The following NDUFAF2 variants were observed in gnomAD, a reference collection of about 807,000 sequenced individuals.
NDUFAF2 encodes the protein NADH:ubiquinone oxidoreductase complex assembly factor 2, also known as NADH dehydrogenase [ubiquinone] 1 alpha subcomplex assembly factor 2.
Under a neutral mutation model 22.8 loss-of-function variants are expected in NDUFAF2, and 13 were observed. The ratio of observed to expected loss-of-function variants is 0.57; its 90% CI spans 0.37 to 0.91. NDUFAF2 has a LOEUF of 0.91. NDUFAF2 is among the 40% of genes least tolerant of loss of function. The pLI, the probability that NDUFAF2 is intolerant of heterozygous loss-of-function variation, is 0.01. For synonymous variants in NDUFAF2, 53 were observed against 64.2 expected, an observed-to-expected ratio of 0.83 and a Z score of 0.84; for missense variants, 162 against 195.2, an observed-to-expected ratio of 0.83 and a Z score of 1.01.
chr5:61,023,110 C>G (rs1040978166), intron 1 of NDUFAF2, among the ~76,000 whole-genome samples: 2 of 152,130 alleles, frequency 1.3e-5, no homozygotes, highest in East Asian at 1.9e-4. Context: ...GGTGTTCCCC[C>G]CTTCTTCTGT....
At chr5:61,113,429 C>G (rs1373462195) in intron 3 of NDUFAF2, among the ~76,000 whole-genome samples, 1 of 152,010 alleles carries the variant, frequency 6.6e-6, no homozygotes, top group African/African-American at 2.4e-5. Flanking sequence ...GTATTCTATT[C>G]TAGGATGATA....
intron 1 of NDUFAF2, among the ~76,000 whole-genome samples, chr5:60,947,030 G>A (rs921716518): frequency 6.6e-6 from 1 of 152,160 alleles, no homozygotes; most frequent in Non-Finnish European, 1.5e-5. Context: ...ACAAGCTGAA[G>A]GACATTAGGA....
chr5:60,993,401 C>T (rs958044468), intron 1 of NDUFAF2, among the ~76,000 whole-genome samples: 3 of 152,180 alleles, frequency 2.0e-5, no homozygotes, highest in Non-Finnish European at 4.4e-5. Context: ...TTGTTTCAGC[C>T]CTGTTTGTGT....
intron 1 of NDUFAF2, among the ~76,000 whole-genome samples, chr5:61,034,516 T>G (rs1237954503): frequency 6.6e-6 from 1 of 152,196 alleles, no homozygotes; most frequent in Non-Finnish European, 1.5e-5. Flanking sequence ...GTCATAGATG[T>G]GGTCCGTCAT....
chr5:61,111,310 G>A lies in NDUFAF2; in HGVS notation c.258+12278G>A, dbSNP rs541158275. Among the ~76,000 whole-genome samples, 3 of 152,296 alleles carry A rather than the reference G, an allele frequency of 2.0e-5. No individual in the cohort carries two copies. In the South Asian group the frequency reaches 6.2e-4, roughly 32 times the overall value. On this transcript the variant is annotated intron_variant, in intron 3 of 3. Transcript: ENST00000296597. ...CTGCAGCTGTTTGATGAAATATTCT[G>A]TAAATATCTATTAGGCCCATTTGGT...
intron 1 of NDUFAF2, among the ~76,000 whole-genome samples, chr5:61,036,751 C>T (rs1751805178): frequency 6.6e-6 from 1 of 152,098 alleles, no homozygotes; most frequent in African/African-American, 2.4e-5. Flanking sequence ...GAGTTGTGAC[C>T]TTGGGCCAGT....
At chr5:60,945,534 C>CCCTT in intron 1 of NDUFAF2, 152 bp downstream of exon 1, 1 of 1,170,586 alleles carries the variant, frequency 8.5e-7, no homozygotes, top group South Asian at 1.3e-5. Flanking sequence ...CCCTGTCGAC[C>CCCTT]CCTTCACTCT....
At position 60,982,849 on chromosome 5, in the gene NDUFAF2, G is replaced by A. The variant is rs572974447; in HGVS notation, c.127+37467G>A. Among the ~76,000 whole-genome samples, 16 of 152,084 alleles carry A rather than the reference G, an allele frequency of 1.1e-4. No individual in the cohort carries two copies. In the East Asian group the frequency reaches 2.3e-3, roughly 22 times the overall value. ...AGTCTTTGCTATTGTGAATAGTGCC[G>A]CAATAAACATACGTGTGCATGTGTC... is the stretch of plus-strand genomic sequence containing the variant. On this transcript the variant is annotated intron_variant, in intron 1 of 3. Transcript: ENST00000296597.
chr5:60,983,591 A>G (rs1751022526), intron 1 of NDUFAF2, among the ~76,000 whole-genome samples: 1 of 150,590 alleles, frequency 6.6e-6, no homozygotes, highest in Non-Finnish European at 1.5e-5. Context: ...GGTGTAAGGA[A>G]GGGATCCAGT....
At chr5:61,137,419 C>T (rs1038342075) in intron 3 of NDUFAF2, among the ~76,000 whole-genome samples, 10 of 152,256 alleles carry the variant, frequency 6.6e-5, no homozygotes, top group African/African-American at 2.4e-4. Flanking sequence ...TAAACAAATA[C>T]ATAAATAATA....
Position 60,945,375 on chromosome 5 carries a change from C to G in NDUFAF2, c.120C>G (p.Asn40Lys), listed in dbSNP as rs376747316. ...ACTACTACATCCCGCAGTACAAGAA[C>G]TGGAGAGGTGAGGTGGCGGCGTGGG... ...NKYYYIPQYKNWRGQTIREKR... is the reference protein window; with the variant it reads ...NKYYYIPQYKKWRGQTIREKR... The change falls in exon 1 of 4, where the codon AAC (asparagine) becomes AAG (lysine). Residue 40 changes from asparagine to lysine, a missense_variant. Asn to Lys is a moderately conservative substitution (Grantham distance 94). Transcript: ENST00000296597. The G allele has an allele frequency of 6.2e-7, 1 of 1,614,198 alleles. No individual in the cohort carries two copies. Among genetic ancestry groups the G allele is most frequent in the South Asian group, 1.1e-5 (1 of 91,090 alleles).
intron 3 of NDUFAF2, among the ~76,000 whole-genome samples, chr5:61,144,115 A>C (rs937228829): frequency 5.9e-5 from 9 of 151,994 alleles, no homozygotes; most frequent in African/African-American, 2.2e-4. Flanking sequence ...ATGTCTATCA[A>C]TATAAAAATT....
At chr5:61,056,330 G>A (rs1198558722) in intron 1 of NDUFAF2, among the ~76,000 whole-genome samples, 1 of 152,064 alleles carries the variant, frequency 6.6e-6, no homozygotes, top group Non-Finnish European at 1.5e-5. Context: ...TTATCTTTTT[G>A]AGCATCATTG....
intron 1 of NDUFAF2, among the ~76,000 whole-genome samples, chr5:61,036,017 T>C (rs1209001110): frequency 6.6e-6 from 1 of 152,192 alleles, no homozygotes; most frequent in Non-Finnish European, 1.5e-5. Flanking sequence ...TTTGTTTGTT[T>C]TTTAATCGAG....
chr5:61,037,558 G>A (rs1433086933), intron 1 of NDUFAF2, among the ~76,000 whole-genome samples: 2 of 152,172 alleles, frequency 1.3e-5, no homozygotes, highest in Non-Finnish European at 2.9e-5. Context: ...TGAAATAAAT[G>A]TATAAAATGC....
intron 1 of NDUFAF2, among the ~76,000 whole-genome samples, chr5:61,016,056 C>G (rs1002310622): frequency 1.3e-5 from 2 of 151,978 alleles, no homozygotes; most frequent in Non-Finnish European, 2.9e-5. Context: ...CGTGGTGGTG[C>G]ACGCCTTCAA....
intron 1 of NDUFAF2, among the ~76,000 whole-genome samples, chr5:61,024,180 T>C (rs1181827903): frequency 2.6e-5 from 4 of 152,172 alleles, no homozygotes; most frequent in Non-Finnish European, 5.9e-5. Flanking sequence ...TGTAATTTGA[T>C]TGACTCTTAA....
At chr5:61,037,342 A>G (rs1751812591) in intron 1 of NDUFAF2, among the ~76,000 whole-genome samples, 1 of 152,230 alleles carries the variant, frequency 6.6e-6, no homozygotes. Context: ...GCAGTCACAC[A>G]TGCATATAAT....
At chr5:60,966,700 T>A (rs1421524708) in intron 1 of NDUFAF2, among the ~76,000 whole-genome samples, 3 of 152,146 alleles carry the variant, frequency 2.0e-5, no homozygotes, top group African/African-American at 7.2e-5. Context: ...CATCCTATTC[T>A]GTCCCAGTGG....
Sources: gnomAD v4.1 joint callset for allele counts (sites outside exome capture counted in the v4.1 genomes callset) on GRCh38, gnomAD v4.1.1 for gene constraint, MANE v1.5 for transcripts, NCBI Gene and HGNC (gene_info 2026-07-23, HGNC 2026-07-21) for gene names.